FOXP1: variants seen among roughly 807,000 people sequenced by gnomAD.
The protein encoded by FOXP1 is forkhead box P1, also known as forkhead box protein P1.
FOXP1 carries 15 observed loss-of-function variants against 98.2 expected under a neutral mutation model. The observed-to-expected ratio is 0.15, with a 90% CI of 0.10 to 0.24. The LOEUF is 0.24. Among genes scored for constraint, FOXP1 ranks in the 10% least tolerant of loss-of-function variants. The probability of loss-of-function intolerance (pLI) is 1.00; values close to 1 mark genes in which losing one functional copy is unlikely to be tolerated. For synonymous variants in FOXP1, 371 were observed against 314.5 expected (o/e 1.18, Z -1.90); for missense variants, 633 against 848.5 (o/e 0.75, Z 3.15).
chr3:71,035,152 G>C (rs2047414088), intron 11 of FOXP1, among the ~76,000 whole-genome samples: 2 of 152,170 alleles, frequency 1.3e-5, no homozygotes, highest in East Asian at 3.8e-4. Context: ...TTTCTAACAA[G>C]CTTCCAGGTC....
At chr3:71,372,210 C>T (rs555584484) in intron 3 of FOXP1, among the ~76,000 whole-genome samples, 224 of 147,112 alleles carry the variant, frequency 1.5e-3, no homozygotes, top group Non-Finnish European at 2.4e-3. Flanking sequence ...TTAGTAGAGA[C>T]AGGGTTTTGC....
At chr3:71,129,633 G>A (rs1292916550) in intron 6 of FOXP1, among the ~76,000 whole-genome samples, 2 of 152,142 alleles carry the variant, frequency 1.3e-5, no homozygotes, top group African/African-American at 2.4e-5. Context: ...ACTGAAGTTG[G>A]GGGTCAGGGA....
chr3:71,232,343 A>AAAAGT (rs1393612834), intron 5 of FOXP1, among the ~76,000 whole-genome samples: 2 of 152,148 alleles, frequency 1.3e-5, no homozygotes, highest in Non-Finnish European at 2.9e-5. Context: ...CTTGCTGAGA[A>AAAAGT]AAAGTACTGT....
At chr3:71,240,709 TTTTG>T (rs1162694823) in intron 5 of FOXP1, among the ~76,000 whole-genome samples, 2 of 151,256 alleles carry the variant, frequency 1.3e-5, no homozygotes, top group Non-Finnish European at 3.0e-5. Context: ...GCCCGGCTAA[TTTTG>T]TTTTTGTATT....
intron 19 of FOXP1, among the ~76,000 whole-genome samples, chr3:70,967,154 C>T (rs1237716793): frequency 6.6e-6 from 1 of 152,230 alleles, no homozygotes; most frequent in African/African-American, 2.4e-5. Context: ...ACAAGATGAT[C>T]TGGCATAGTG....
At chr3:71,246,038 T>A (rs2067717565) in intron 5 of FOXP1, among the ~76,000 whole-genome samples, 1 of 146,514 alleles carries the variant, frequency 6.8e-6, no homozygotes, top group African/African-American at 2.5e-5. Context: ...AACATCCCAC[T>A]CAAAGGTCAG....
intron 5 of FOXP1, among the ~76,000 whole-genome samples, chr3:71,230,015 T>C (rs2066155206): frequency 1.3e-5 from 2 of 148,786 alleles, no homozygotes; most frequent in Non-Finnish European, 3.0e-5. Context: ...GGAAACTTGC[T>C]ACTCACAATT....
chr3:70,979,143 G>A (rs1350223055), intron 14 of FOXP1, among the ~76,000 whole-genome samples: 1 of 151,408 alleles, frequency 6.6e-6, no homozygotes, highest in African/African-American at 2.4e-5. Context: ...TTAGCCATGT[G>A]TGGTGGCACA....
At chr3:71,359,942 G>A (rs571028175) in intron 3 of FOXP1, among the ~76,000 whole-genome samples, 16 of 152,116 alleles carry the variant, frequency 1.1e-4, no homozygotes, top group African/African-American at 3.1e-4. Context: ...ACAGGTGTCC[G>A]CCACCGTGTC....
intron 3 of FOXP1, among the ~76,000 whole-genome samples, chr3:71,369,259 G>A (rs1413073166): frequency 6.6e-6 from 1 of 152,044 alleles, no homozygotes; most frequent in Non-Finnish European, 1.5e-5. Context: ...GCGTAGTGGC[G>A]GGTAAGGGGC....
chr3:71,021,809 T>C (rs571600582), intron 11 of FOXP1, among the ~76,000 whole-genome samples: 1 of 152,358 alleles, frequency 6.6e-6, no homozygotes, highest in East Asian at 1.9e-4. Context: ...CTTACTGCTA[T>C]GTGTGTATCT....
chr3:71,558,359 G>A lies in FOXP1; in HGVS notation c.-298+23190C>T, dbSNP rs112244758. On this transcript the variant is annotated intron_variant, in intron 2 of 20. Transcript: ENST00000649528. ...GTGGACCAGACTGGCTGTCGTGACT[G>A]GTTAAGCCAATCAGGGAATGACTTC... 5.9e-3 allele frequency among the ~76,000 whole-genome samples: 901 copies of A among 152,324 alleles called. 6 individuals are homozygous for A. Among genetic ancestry groups the A allele is most frequent in the African/African-American group, 0.02 (812 of 41,564 alleles).
At chr3:71,458,788 A>G (rs1349438721) in intron 3 of FOXP1, among the ~76,000 whole-genome samples, 1 of 152,224 alleles carries the variant, frequency 6.6e-6, no homozygotes, top group Non-Finnish European at 1.5e-5. Context: ...TTACACAGGT[A>G]TAATTATTTT....
intron 12 of FOXP1, among the ~76,000 whole-genome samples, chr3:71,010,213 C>T (rs980163474): frequency 1.3e-5 from 2 of 152,040 alleles, no homozygotes; most frequent in Non-Finnish European, 2.9e-5. Flanking sequence ...TTCTTTACAT[C>T]CACTGCCAAG....
intron 5 of FOXP1, among the ~76,000 whole-genome samples, chr3:71,269,547 G>A (rs1047778141): frequency 6.6e-6 from 1 of 152,028 alleles, no homozygotes; most frequent in Non-Finnish European, 1.5e-5. Flanking sequence ...AAACATTTAC[G>A]AATTCCATCT....
At chr3:71,117,014 T>C (rs545327614) in intron 6 of FOXP1, among the ~76,000 whole-genome samples, 1 of 152,348 alleles carries the variant, frequency 6.6e-6, no homozygotes, top group Admixed American at 6.5e-5. Flanking sequence ...TTGATAGCCA[T>C]TTTTACCTGT....
chr3:70,970,462 T>C (rs2035969841), intron 19 of FOXP1: 3 of 458,084 alleles, frequency 6.5e-6, no homozygotes, highest in South Asian at 4.4e-5. Flanking sequence ...AGTGAAATTC[T>C]GAAATAAGAG....
chr3:71,040,957 C>T (rs2048263641), intron 11 of FOXP1, among the ~76,000 whole-genome samples: 1 of 152,078 alleles, frequency 6.6e-6, no homozygotes, highest in Non-Finnish European at 1.5e-5. Flanking sequence ...TCAAAATTGC[C>T]CACAGCAGAC....
At chr3:71,478,040 T>C (rs34264449) in intron 3 of FOXP1, among the ~76,000 whole-genome samples, 64,491 of 152,062 alleles carry the variant, frequency 0.42, 14,504 homozygotes, top group Non-Finnish European at 0.48. Context: ...AGTTCTACTC[T>C]CAAAAAAATC....
Sources: gnomAD v4.1 joint callset for allele counts (sites outside exome capture counted in the v4.1 genomes callset) on GRCh38, gnomAD v4.1.1 for gene constraint, MANE v1.5 for transcripts, NCBI Gene and HGNC (gene_info 2026-07-23, HGNC 2026-07-21) for gene names.